DNER: variants seen among roughly 807,000 people sequenced by gnomAD.
DNER encodes delta/notch like EGF repeat containing, also known as delta and Notch-like epidermal growth factor-related receptor.
A neutral mutation model predicts 78.2 loss-of-function variants in DNER; 33 were observed. The observed-to-expected ratio is 0.42, with a 90% CI of 0.32 to 0.56. The LOEUF (loss-of-function observed/expected upper bound fraction) is 0.56, where lower values mean the gene tolerates loss of function less well. Among genes scored for constraint, DNER ranks in the 20% least tolerant of loss-of-function variants. The pLI is 0.11. For missense variants in DNER, 918 were observed against 975.3 expected (o/e 0.94, Z 0.78); for synonymous variants, 417 against 384.8 (o/e 1.08, Z -0.98).
chr2:229,433,693 A>T (rs1694063863), intron 8 of DNER, among the ~76,000 whole-genome samples: 1 of 152,198 alleles, frequency 6.6e-6, no homozygotes, highest in African/African-American at 2.4e-5. Context: ...ATGTCAGAAA[A>T]TGGAAGATAT....
At chr2:229,682,269 C>G (rs868652657) in intron 1 of DNER, among the ~76,000 whole-genome samples, 1 of 152,158 alleles carries the variant, frequency 6.6e-6, no homozygotes, top group Non-Finnish European at 1.5e-5. Context: ...CCTAAGAAAC[C>G]TTGTACATAG....
intron 9 of DNER, among the ~76,000 whole-genome samples, chr2:229,417,750 A>G (rs537649426): frequency 6.6e-6 from 1 of 152,272 alleles, no homozygotes; most frequent in East Asian, 1.9e-4. Flanking sequence ...TCTGCATAAG[A>G]AGCTTTATAG....
At chr2:229,501,285 G>A (rs1209993878) in intron 6 of DNER, among the ~76,000 whole-genome samples, 2 of 151,260 alleles carry the variant, frequency 1.3e-5, no homozygotes, top group Non-Finnish European at 2.9e-5. Flanking sequence ...TGCTAAGAAA[G>A]TGGATTTTAA....
intron 8 of DNER, among the ~76,000 whole-genome samples, chr2:229,441,222 C>T (rs1694227649): frequency 6.6e-6 from 1 of 151,996 alleles, no homozygotes; most frequent in South Asian, 2.1e-4. Flanking sequence ...ATTTCAGTGT[C>T]CAACTCATTG....
chr2:229,469,197 G>C (rs980952914), intron 7 of DNER, among the ~76,000 whole-genome samples: 1 of 152,122 alleles, frequency 6.6e-6, no homozygotes, highest in African/African-American at 2.4e-5. Flanking sequence ...TGTCCTCAAC[G>C]AGCCCAGAGC....
intron 5 of DNER, among the ~76,000 whole-genome samples, chr2:229,533,396 C>T (rs1236096562): frequency 6.6e-6 from 1 of 152,178 alleles, no homozygotes; most frequent in Non-Finnish European, 1.5e-5. Context: ...ACTGCTGATA[C>T]CTCCGTAAGA....
intron 4 of DNER, among the ~76,000 whole-genome samples, chr2:229,555,306 C>T (rs547823350): frequency 4.4e-4 from 67 of 152,248 alleles, no homozygotes; most frequent in African/African-American, 1.5e-3. Context: ...TTCTATTCTT[C>T]CTTTATGGCC....
chr2:229,364,209 G>C (rs2106325202), intron 12 of DNER, among the ~76,000 whole-genome samples: 1 of 151,692 alleles, frequency 6.6e-6, no homozygotes, highest in Middle Eastern at 3.4e-3. Flanking sequence ...GTAATTTCAG[G>C]ATACTGCAAA....
chr2:229,363,749 G>A (rs1009210982), intron 12 of DNER, among the ~76,000 whole-genome samples: 3 of 152,146 alleles, frequency 2.0e-5, no homozygotes, highest in African/African-American at 7.2e-5. Context: ...CATATGAGCA[G>A]AAGGCTCAGC....
At chr2:229,467,179 G>A (rs1221069279) in intron 7 of DNER, among the ~76,000 whole-genome samples, 2 of 151,942 alleles carry the variant, frequency 1.3e-5, no homozygotes, top group East Asian at 3.9e-4. Flanking sequence ...AGTGAGGAAG[G>A]GACTCTAAAC....
chr2:229,450,310 T>C (rs1010999460), intron 7 of DNER, among the ~76,000 whole-genome samples: 1 of 151,994 alleles, frequency 6.6e-6, no homozygotes, highest in Non-Finnish European at 1.5e-5. Context: ...ATAAGAAAAA[T>C]CAGGAACAAG....
At chr2:229,691,604 A>G (rs950915757) in intron 1 of DNER, among the ~76,000 whole-genome samples, 5 of 152,154 alleles carry the variant, frequency 3.3e-5, no homozygotes, top group Non-Finnish European at 5.9e-5. Flanking sequence ...GCAAGCAAAT[A>G]TAAAGGAACC....
chr2:229,391,939 T>C (rs79792473), intron 10 of DNER, among the ~76,000 whole-genome samples: 10,126 of 152,260 alleles, frequency 0.067, 383 homozygotes, highest in Middle Eastern at 0.089. Flanking sequence ...AGCATACTGA[T>C]TCTGCTTGCT....
chr2:229,544,303 C>T (rs191895594), intron 5 of DNER, among the ~76,000 whole-genome samples: 93 of 152,230 alleles, frequency 6.1e-4, no homozygotes, highest in African/African-American at 2.2e-3. Context: ...TGGAAGGAGC[C>T]TCCTGGCTCT....
chr2:229,564,463 C>CA (rs1697057126), intron 4 of DNER, among the ~76,000 whole-genome samples: 3 of 135,560 alleles, frequency 2.2e-5, no homozygotes, highest in Non-Finnish European at 1.6e-5. Context: ...CATCATCATC[C>CA]TCCTCACCCC....
intron 4 of DNER, among the ~76,000 whole-genome samples, chr2:229,549,063 T>C (rs1360797180): frequency 6.6e-6 from 1 of 152,146 alleles, no homozygotes; most frequent in Non-Finnish European, 1.5e-5. Context: ...TATATAAATA[T>C]TGAAATCTAT....
intron 8 of DNER, among the ~76,000 whole-genome samples, chr2:229,420,004 A>G (rs540400310): frequency 3.4e-4 from 51 of 150,472 alleles, no homozygotes; most frequent in South Asian, 2.2e-3. Context: ...CAACAAGACT[A>G]TCCAGAAAAA....
intron 6 of DNER, among the ~76,000 whole-genome samples, chr2:229,511,565 T>C (rs1266854270): frequency 6.6e-6 from 1 of 152,182 alleles, no homozygotes; most frequent in Non-Finnish European, 1.5e-5. Context: ...AAACTTCCCA[T>C]TGTGGAGAAC....
chr2:229,511,446 A>G (rs1158395462), intron 6 of DNER, among the ~76,000 whole-genome samples: 1 of 152,204 alleles, frequency 6.6e-6, no homozygotes, highest in Non-Finnish European at 1.5e-5. Context: ...CATGAAGTCT[A>G]CAGCAACACT....
Sources: gnomAD v4.1 joint callset for allele counts (sites outside exome capture counted in the v4.1 genomes callset) on GRCh38, gnomAD v4.1.1 for gene constraint, MANE v1.5 for transcripts, NCBI Gene and HGNC (gene_info 2026-07-23, HGNC 2026-07-21) for gene names.